Variants in NCAM2 observed in about 807,000 individuals in gnomAD.
NCAM2 encodes neural cell adhesion molecule 2, also known as N-CAM-2.
NCAM2 carries 30 observed loss-of-function variants against 98.1 expected under a neutral mutation model. The ratio of observed to expected loss-of-function variants is 0.31; its 90% CI spans 0.23 to 0.41. NCAM2 has a LOEUF of 0.41. Among genes scored for constraint, NCAM2 ranks in the 10% least tolerant of loss-of-function variants. NCAM2 has a pLI of 1.00. For missense variants in NCAM2, 867 were observed against 1,005.8 expected (o/e 0.86, Z 1.87); for synonymous variants, 368 against 342.4 (o/e 1.07, Z -0.83).
chr21:21,290,092 C>CT (rs1273677296), intron 4 of NCAM2: 1 of 151,898 alleles, frequency 6.6e-6, no homozygotes, highest in Admixed American at 6.6e-5. Context: ...CCTTTGGCAA[C>CT]TAGTTCCATG....
chr21:21,068,723 A>T (rs1407364294), intron 1 of NCAM2, among the ~76,000 whole-genome samples: 1 of 152,096 alleles, frequency 6.6e-6, no homozygotes. Flanking sequence ...CTCCCAAGGT[A>T]TTGCATTTGT....
intron 1 of NCAM2, among the ~76,000 whole-genome samples, chr21:21,147,585 G>GTATACATACACTGTATATATATGTATA (rs1171853026): frequency 2.7e-5 from 4 of 150,356 alleles, no homozygotes; most frequent in Non-Finnish European, 4.4e-5. Context: ...TGCAGCCTCA[G>GTATACATACACTGTATATATATGTATA]TATACATACA....
intron 7 of NCAM2, among the ~76,000 whole-genome samples, chr21:21,337,540 T>C (rs989618299): frequency 1.3e-5 from 2 of 152,044 alleles, no homozygotes; most frequent in Non-Finnish European, 2.9e-5. Context: ...TATTAAAATA[T>C]ATAAAAAGTA....
chr21:21,327,665 CA>C (rs2147814074), intron 6 of NCAM2, among the ~76,000 whole-genome samples: 1 of 152,216 alleles, frequency 6.6e-6, no homozygotes, highest in South Asian at 2.1e-4. Flanking sequence ...GCCAACCAAA[CA>C]AAAACCACCA....
chr21:21,073,754 A>C lies in NCAM2; in HGVS notation c.55+75136A>C, dbSNP rs572284430. On this transcript the variant is annotated intron_variant, in intron 1 of 17. Transcript: ENST00000400546. ...CATTGTCCAGTCCAGTTTTAGAAACAGTCAATCAACAATTCCCCTAGCCTG... is the reference window on the plus strand; with the variant it reads ...CATTGTCCAGTCCAGTTTTAGAAACCGTCAATCAACAATTCCCCTAGCCTG... Among the ~76,000 whole-genome samples, 14 of 152,356 alleles carry C rather than the reference A, an allele frequency of 9.2e-5. No homozygotes were observed. The East Asian group carries it at 2.5e-3, about 27-fold the overall frequency.
At chr21:21,353,247 G>A (rs1301756912) in intron 8 of NCAM2, among the ~76,000 whole-genome samples, 2 of 152,096 alleles carry the variant, frequency 1.3e-5, no homozygotes, top group Non-Finnish European at 2.9e-5. Context: ...ATAGTCCTAT[G>A]TACTTTATGA....
At chr21:21,326,994 T>A (rs1319003738) in intron 6 of NCAM2, among the ~76,000 whole-genome samples, 1 of 152,144 alleles carries the variant, frequency 6.6e-6, no homozygotes, top group Non-Finnish European at 1.5e-5. Flanking sequence ...CCAAGCGAGA[T>A]AAGTGAAGTC....
At chr21:21,169,280 A>T (rs1162774720) in intron 1 of NCAM2, among the ~76,000 whole-genome samples, 1 of 152,172 alleles carries the variant, frequency 6.6e-6, no homozygotes, top group Non-Finnish European at 1.5e-5. Flanking sequence ...CTTCACAAAA[A>T]TTAATTCAAA....
At chr21:21,243,816 C>T (rs907577212) in intron 1 of NCAM2, among the ~76,000 whole-genome samples, 2 of 152,102 alleles carry the variant, frequency 1.3e-5, no homozygotes, top group Non-Finnish European at 2.9e-5. Context: ...AGGGTTGTAT[C>T]GGTCCTATTC....
intron 1 of NCAM2, among the ~76,000 whole-genome samples, chr21:21,047,547 G>T (rs1227278055): frequency 5.9e-5 from 9 of 152,122 alleles, no homozygotes; most frequent in Non-Finnish European, 1.3e-4. Context: ...TCTAGTAATA[G>T]AATTGAATAT....
intron 1 of NCAM2, among the ~76,000 whole-genome samples, chr21:21,265,392 AC>A (rs35493202): frequency 1 from 123,726 of 124,184 alleles, 61,636 homozygotes; most frequent in Middle Eastern, 1. Flanking sequence ...ATATGTACAC[AC>A]CATATATTAT....
chr21:21,479,608 A>AAAAAT (rs1491473437), intron 15 of NCAM2, among the ~76,000 whole-genome samples: 24 of 127,906 alleles, frequency 1.9e-4, no homozygotes, highest in African/African-American at 6.4e-4. Context: ...AAAAAAAAAA[A>AAAAAT]TTGTTGATGA....
intron 16 of NCAM2, among the ~76,000 whole-genome samples, chr21:21,516,569 A>G (rs1988724149): frequency 6.6e-6 from 1 of 152,080 alleles, no homozygotes; most frequent in Non-Finnish European, 1.5e-5. Flanking sequence ...TTCCTGTAAT[A>G]TCACATTTTA....
chr21:21,536,097 C>G (rs1304613077), intron 17 of NCAM2, among the ~76,000 whole-genome samples: 1 of 151,922 alleles, frequency 6.6e-6, no homozygotes, highest in Non-Finnish European at 1.5e-5. Flanking sequence ...CTTGTGAATG[C>G]TAAAAAGGAA....
chr21:21,088,274 A>G (rs932112856), intron 1 of NCAM2, among the ~76,000 whole-genome samples: 1 of 152,226 alleles, frequency 6.6e-6, no homozygotes, highest in African/African-American at 2.4e-5. Flanking sequence ...AATTGAAATA[A>G]TGCAAAGCCA....
intron 1 of NCAM2, among the ~76,000 whole-genome samples, chr21:21,193,719 C>G (rs986961280): frequency 2.0e-5 from 3 of 151,992 alleles, no homozygotes; most frequent in African/African-American, 7.3e-5. Flanking sequence ...TGGTCTTGAT[C>G]TGTTGACCTC....
intron 16 of NCAM2, among the ~76,000 whole-genome samples, chr21:21,525,094 G>A (rs142370267): frequency 1.2e-4 from 19 of 152,018 alleles, no homozygotes; most frequent in Non-Finnish European, 2.5e-4. Context: ...CTCTACCTCA[G>A]GAAACTGAGA....
At chr21:21,452,256 T>TATATACACAC (rs1442921297) in intron 12 of NCAM2, among the ~76,000 whole-genome samples, 1 of 150,814 alleles carries the variant, frequency 6.6e-6, no homozygotes, top group East Asian at 1.9e-4. Flanking sequence ...TGTATATGTA[T>TATATACACAC]ATATACATAC....
At chr21:21,228,950 A>T (rs1260885892) in intron 1 of NCAM2, among the ~76,000 whole-genome samples, 4 of 151,564 alleles carry the variant, frequency 2.6e-5, no homozygotes, top group Non-Finnish European at 3.0e-5. Context: ...AACATAAAAC[A>T]AGTAATTTCT....
Sources: gnomAD v4.1 joint callset for allele counts (sites outside exome capture counted in the v4.1 genomes callset) on GRCh38, gnomAD v4.1.1 for gene constraint, MANE v1.5 for transcripts, NCBI Gene and HGNC (gene_info 2026-07-23, HGNC 2026-07-21) for gene names.